The following ZC3H12B variants were observed in gnomAD, a reference collection of about 807,000 sequenced individuals.
The protein encoded by ZC3H12B is zinc finger CCCH-type containing 12B, also known as probable ribonuclease ZC3H12B.
Under a neutral mutation model 43.9 loss-of-function variants are expected in ZC3H12B, and 7 were observed. That is an observed-to-expected ratio of 0.16 (90% CI 0.09 to 0.30). ZC3H12B has a LOEUF of 0.30. Among genes scored for constraint, ZC3H12B ranks in the 10% least tolerant of loss-of-function variants. ZC3H12B has a pLI of 1.00. For missense variants in ZC3H12B, 475 were observed against 670.2 expected (o/e 0.71, Z 3.22); for synonymous variants, 222 against 241.7 (o/e 0.92, Z 0.76).
the ZC3H12B span, among the ~76,000 whole-genome samples, chrX:65,171,390 C>T: frequency 9.0e-6 from 1 of 110,720 alleles, no homozygotes; most frequent in African/African-American, 3.3e-5. Context: ...GCTGCCTGAT[C>T]CTTCCTCTGG....
chrX:65,415,756 G>A (rs954957099), intron 3 of ZC3H12B, among the ~76,000 whole-genome samples: 1 of 111,849 alleles, frequency 8.9e-6, no homozygotes, highest in Non-Finnish European at 1.9e-5. Flanking sequence ...TAACTTCTCT[G>A]AACCTTAGTT....
At chrX:65,052,200 G>A in the ZC3H12B span, among the ~76,000 whole-genome samples, 2 of 111,150 alleles carry the variant, frequency 1.8e-5, no homozygotes, top group African/African-American at 6.5e-5. Context: ...TGGGTACATA[G>A]TAGATATTTA....
At chrX:65,481,735 C>T (rs1194167216) in intron 3 of ZC3H12B, among the ~76,000 whole-genome samples, 1 of 112,195 alleles carries the variant, frequency 8.9e-6, no homozygotes, top group African/African-American at 3.2e-5. Context: ...AGAATTACTC[C>T]TGCAGCTGAG....
chrX:65,266,217 A>G, the ZC3H12B span, among the ~76,000 whole-genome samples: 1 of 112,404 alleles, frequency 8.9e-6, no homozygotes, highest in Non-Finnish European at 1.9e-5. Flanking sequence ...TCTATTTCTC[A>G]GAACTCACAC....
chrX:65,203,875 C>T, the ZC3H12B span, among the ~76,000 whole-genome samples: 1 of 111,964 alleles, frequency 8.9e-6, no homozygotes, highest in East Asian at 2.8e-4. Flanking sequence ...GCACTGTAGC[C>T]TGTCACGGTG....
chrX:65,271,610 C>A, the ZC3H12B span: 1 of 112,204 alleles, frequency 8.9e-6, no homozygotes, highest in Non-Finnish European at 1.9e-5. Context: ...TCTGTTGTGG[C>A]CACTAACAGT....
At chrX:65,389,317 A>C (rs1380916546) in intron 2 of ZC3H12B, among the ~76,000 whole-genome samples, 1 of 111,334 alleles carries the variant, frequency 9.0e-6, no homozygotes, top group Non-Finnish European at 1.9e-5. Flanking sequence ...TTGTTTACCT[A>C]CTCAAGCCTC....
upstream of ZC3H12B, among the ~76,000 whole-genome samples, chrX:65,363,721 C>A (rs2066135352): frequency 8.9e-6 from 1 of 112,069 alleles, no homozygotes; most frequent in Non-Finnish European, 1.9e-5. Flanking sequence ...ACAACTTGAC[C>A]TTACTGTTTT....
At position 65,450,330 on chromosome X, in the gene ZC3H12B, T is replaced by C. The variant is rs772686069; in HGVS notation, n.408-38316T>C. The stretch of plus-strand genomic sequence containing the variant: ...AAAAAAAAATATATATATATATACA[T>C]ATATATGTATATATATGTGTATATA... On this transcript the variant is annotated intron_variant and non_coding_transcript_variant, in intron 3 of 5. Transcript: ENST00000617377. Among the ~76,000 whole-genome samples the C allele has an allele frequency of 4.3e-4, 36 of 84,229 alleles. 1 individual carries two copies. The highest frequency in any genetic ancestry group is 2.4e-3 in the Admixed American group (15 of 6,345). 73.1% of individuals were successfully genotyped at this position (84,229 alleles called of 115,157 possible).
chrX:65,248,254 T>A, the ZC3H12B span, among the ~76,000 whole-genome samples: 1 of 111,168 alleles, frequency 9.0e-6, no homozygotes, highest in Non-Finnish European at 1.9e-5. Flanking sequence ...TCCTGGCTGG[T>A]CTTGAACTCC....
chrX:65,229,356 T>A, the ZC3H12B span, among the ~76,000 whole-genome samples: 1 of 110,711 alleles, frequency 9.0e-6, no homozygotes, highest in Non-Finnish European at 1.9e-5. Context: ...ACTGGATCCC[T>A]TCCTTACACC....
At chrX:65,212,543 T>G in the ZC3H12B span, among the ~76,000 whole-genome samples, 1 of 76,062 alleles carries the variant, frequency 1.3e-5, no homozygotes, top group Non-Finnish European at 2.3e-5. Flanking sequence ...ATAATGTATA[T>G]TTATATATTA....
At chrX:65,350,403 T>A in the ZC3H12B span, among the ~76,000 whole-genome samples, 1 of 111,773 alleles carries the variant, frequency 8.9e-6, no homozygotes, top group Non-Finnish European at 1.9e-5. Flanking sequence ...AGCATTCTCT[T>A]AGAAAATCAG....
At chrX:65,144,474 CCTG>C in the ZC3H12B span, among the ~76,000 whole-genome samples, 2 of 111,336 alleles carry the variant, frequency 1.8e-5, no homozygotes. Flanking sequence ...TTTATTTACT[CCTG>C]CTCCGATCTT....
the ZC3H12B span, chrX:65,185,686 T>C: frequency 3.6e-5 from 4 of 111,829 alleles, no homozygotes; most frequent in Non-Finnish European, 5.6e-5. Flanking sequence ...GAGAATTTGC[T>C]TAGCAGCATC....
chrX:65,137,476 G>T, the ZC3H12B span, among the ~76,000 whole-genome samples: 1 of 111,920 alleles, frequency 8.9e-6, no homozygotes, highest in African/African-American at 3.2e-5. Context: ...TGAGAATATA[G>T]AAACAAGTAA....
the ZC3H12B span, among the ~76,000 whole-genome samples, chrX:65,088,597 A>G: frequency 8.9e-6 from 1 of 111,991 alleles, no homozygotes; most frequent in Admixed American, 9.5e-5. Flanking sequence ...ATTGGAAAAA[A>G]CATAACCTCA....
At chrX:65,116,570 CTTTTT>C in the ZC3H12B span, among the ~76,000 whole-genome samples, 5 of 109,533 alleles carry the variant, frequency 4.6e-5, no homozygotes, top group Non-Finnish European at 9.5e-5. Context: ...GATTTTTTTT[CTTTTT>C]TTTATTATAC....
the ZC3H12B span, among the ~76,000 whole-genome samples, chrX:65,354,451 C>A: frequency 1.1e-4 from 12 of 111,248 alleles, no homozygotes; most frequent in Non-Finnish European, 2.1e-4. Flanking sequence ...AAACACCATC[C>A]GAAGTTCACC....
Sources: gnomAD v4.1 joint callset for allele counts (sites outside exome capture counted in the v4.1 genomes callset) on GRCh38, gnomAD v4.1.1 for gene constraint, MANE v1.5 for transcripts, NCBI Gene and HGNC (gene_info 2026-07-23, HGNC 2026-07-21) for gene names.